Variants in DDAH1 observed in about 807,000 individuals in gnomAD.
DDAH1 encodes N(G),N(G)-dimethylarginine dimethylaminohydrolase 1.
A neutral mutation model predicts 28.8 loss-of-function variants in DDAH1; 19 were observed. The ratio of observed to expected loss-of-function variants is 0.66; its 90% CI spans 0.46 to 0.97. The LOEUF (loss-of-function observed/expected upper bound fraction) is 0.97. Among genes scored for constraint, DDAH1 ranks in the 50% least tolerant of loss-of-function variants. The pLI is 0.00. For missense variants in DDAH1, 326 were observed against 375.9 expected, an observed-to-expected ratio of 0.87 and a Z score of 1.10; for synonymous variants, 153 against 154.4, an observed-to-expected ratio of 0.99 and a Z score of 0.07.
intron 2 of DDAH1, among the ~76,000 whole-genome samples, chr1:85,473,053 T>A (rs7540169): frequency 1.3e-5 from 2 of 152,178 alleles, no homozygotes; most frequent in African/African-American, 4.8e-5. Context: ...AAGGAAATGA[T>A]TGCATTATTT....
At chr1:85,448,553 G>A (rs1021635452) in intron 1 of DDAH1, among the ~76,000 whole-genome samples, 1 of 152,156 alleles carries the variant, frequency 6.6e-6, no homozygotes, top group South Asian at 2.1e-4. Context: ...AATGAGCGGT[G>A]TCTTAATCTG....
At chr1:85,333,761 CAAG>C (rs1647925799) in intron 4 of DDAH1, among the ~76,000 whole-genome samples, 1 of 150,990 alleles carries the variant, frequency 6.6e-6, no homozygotes, top group Non-Finnish European at 1.5e-5. Context: ...GAAAAAAAAA[CAAG>C]AAAGAAGAAA....
In DDAH1 at chr1:85,369,395, G is replaced by A. The variant is rs141923044; in HGVS notation, c.304-10548C>T. Among the ~76,000 whole-genome samples the A allele has an allele frequency of 9.4e-3, 1,428 of 152,160 alleles. 9 individuals carry two copies. The highest frequency in any genetic ancestry group is 0.014 in the Non-Finnish European group (978 of 67,986). ...CTGGAAATGTTATAAACAAGTATAC[G>A]GCAAAAATATCCACCTTGTTTAGAC... On this transcript the variant is annotated intron_variant, in intron 1 of 5. Transcript: ENST00000284031.
intron 2 of DDAH1, chr1:85,482,389 C>T (rs566492073): frequency 6.6e-6 from 1 of 152,250 alleles, no homozygotes; most frequent in Non-Finnish European, 1.5e-5. Context: ...TGTCAAAAAA[C>T]GTCTTTCAAC....
At position 85,321,296 on chromosome 1, in the gene DDAH1, T is replaced by A; in HGVS notation, c.*156A>T. 4.9e-6 allele frequency: 3 copies of A among 613,858 alleles called. No individual in the cohort carries two copies. The highest frequency in any genetic ancestry group is 8.8e-6 in the Non-Finnish European group (3 of 342,392). The allele number at this position is 613,858 out of a possible 1,614,324, so 38.0% of individuals were successfully genotyped here. A position where few individuals can be genotyped will look rare whatever the true frequency, so the allele number is the denominator to read the frequency against. ...ACCTCGAGGGGAGGGAGGGTGGGGG[T>A]GTTGAATGAAGCAATTCAACTTAGA... On this transcript the variant is annotated 3_prime_UTR_variant, in exon 6 of 6. Transcript: ENST00000284031.
chr1:85,574,263 C>G (rs748776571), intron 1 of DDAH1, among the ~76,000 whole-genome samples: 17 of 152,238 alleles, frequency 1.1e-4, no homozygotes, highest in Non-Finnish European at 2.4e-4. Flanking sequence ...ATCCTGCAGG[C>G]ACTTGAGTGT....
intron 2 of DDAH1, among the ~76,000 whole-genome samples, chr1:85,483,023 G>A (rs540495264): frequency 9.5e-4 from 144 of 152,090 alleles, no homozygotes; most frequent in African/African-American, 3.3e-3. Context: ...TCAGGAGTTC[G>A]AGGCCAGCCT....
rs778781613 is a variant in DDAH1, at chr1:85,464,058, T to C, written c.303+685A>G. 2.0e-4 allele frequency among the ~76,000 whole-genome samples: 30 copies of C among 152,240 alleles called. 1 individual carries two copies. The highest frequency in any genetic ancestry group is 3.7e-4 in the Non-Finnish European group (25 of 68,028). On this transcript the variant is annotated intron_variant, in intron 1 of 5. Transcript: ENST00000284031. The surrounding 1 kb of genome is among the most constrained non-coding windows in gnomAD (Gnocchi z 4.4). ...ATGGAATTTGTGAAACAACCATCTC[T>C]AATTAAACACGCTCGCTAGCACACA...
intron 1 of DDAH1, among the ~76,000 whole-genome samples, chr1:85,434,224 T>C (rs1293835548): frequency 6.6e-5 from 10 of 152,170 alleles, no homozygotes; most frequent in African/African-American, 2.2e-4. Context: ...CATCTTGAAT[T>C]TTGATGTGTC....
At chr1:85,497,409 A>C (rs1379395596) in intron 1 of DDAH1, among the ~76,000 whole-genome samples, 1 of 152,236 alleles carries the variant, frequency 6.6e-6, no homozygotes, top group South Asian at 2.1e-4. Context: ...AAAAGACAGC[A>C]GTCCTTTTTA....
At chr1:85,546,474 C>T (rs1263092359) in intron 1 of DDAH1, among the ~76,000 whole-genome samples, 1 of 152,114 alleles carries the variant, frequency 6.6e-6, no homozygotes, top group South Asian at 2.1e-4. Context: ...TACAGCAGCA[C>T]AAAATGAACT....
intron 2 of DDAH1, among the ~76,000 whole-genome samples, chr1:85,477,636 G>T (rs1265412766): frequency 1.3e-5 from 2 of 151,738 alleles, no homozygotes; most frequent in Non-Finnish European, 2.9e-5. Flanking sequence ...ATATAGCAGA[G>T]ATAGTATATG....
intron 1 of DDAH1, among the ~76,000 whole-genome samples, chr1:85,370,169 G>A (rs993985051): frequency 6.6e-6 from 1 of 152,256 alleles, no homozygotes; most frequent in South Asian, 2.1e-4. Flanking sequence ...TATGACTGGT[G>A]TCCTTATAAG....
intron 2 of DDAH1, among the ~76,000 whole-genome samples, chr1:85,353,174 A>G (rs1262419251): frequency 6.6e-6 from 1 of 152,200 alleles, no homozygotes; most frequent in Non-Finnish European, 1.5e-5. Context: ...AGAAGGCAAA[A>G]CACTAGATAA....
chr1:85,327,456 C>A (rs1647478713), intron 4 of DDAH1, among the ~76,000 whole-genome samples: 1 of 152,162 alleles, frequency 6.6e-6, no homozygotes, highest in Non-Finnish European at 1.5e-5. Context: ...TCCCTTCTAC[C>A]TAGATCCCCT....
intron 1 of DDAH1, among the ~76,000 whole-genome samples, chr1:85,520,667 G>A (rs12407947): frequency 6.6e-6 from 1 of 152,154 alleles, no homozygotes; most frequent in Admixed American, 6.5e-5. Context: ...TTTCTAAGAC[G>A]GAACAATTCA....
chr1:85,512,411 C>T (rs138273116), intron 1 of DDAH1, among the ~76,000 whole-genome samples: 7,107 of 152,260 alleles, frequency 0.047, 196 homozygotes, highest in African/African-American at 0.072. Context: ...TGGGCAAAAA[C>T]TGGAAGCATT....
chr1:85,494,335 C>T (rs1656505153), intron 2 of DDAH1: 1 of 152,200 alleles, frequency 6.6e-6, no homozygotes, highest in Admixed American at 6.5e-5. Flanking sequence ...CTAATGGATT[C>T]TGCTTCCCCA....
intron 1 of DDAH1, among the ~76,000 whole-genome samples, chr1:85,390,735 G>C (rs749331017): frequency 1.3e-5 from 2 of 152,272 alleles, no homozygotes; most frequent in East Asian, 1.9e-4. Context: ...TCCTAGCTCT[G>C]AGAGACCCAA....
Sources: allele counts gnomAD v4.1 joint callset (sites outside exome capture counted in the v4.1 genomes callset), GRCh38; gene constraint gnomAD v4.1.1; non-coding constraint Gnocchi (gnomAD v3.1); transcripts MANE v1.5; gene names NCBI Gene and HGNC (gene_info 2026-07-23, HGNC 2026-07-21).